Variants in LANCL3 observed in about 807,000 individuals in gnomAD.
The protein encoded by LANCL3 is lanC-like protein 3.
Under a neutral mutation model 26.5 loss-of-function variants are expected in LANCL3, and 19 were observed. That is an observed-to-expected ratio of 0.72 (90% CI 0.50 to 1.05). The LOEUF (loss-of-function observed/expected upper bound fraction) is 1.05, where lower values mean the gene tolerates loss of function less well. Ranked by LOEUF, LANCL3 falls within the 50% of genes least tolerant of loss-of-function variation. The pLI is 0.00. For synonymous variants in LANCL3, 160 were observed against 166.6 expected (o/e 0.96, Z 0.30); for missense variants, 318 against 362.7 (o/e 0.88, Z 1.00).
At chrX:37,613,396 A>AT (rs1924932053) in intron 1 of LANCL3, among the ~76,000 whole-genome samples, 1 of 111,088 alleles carries the variant, frequency 9.0e-6, no homozygotes, top group Non-Finnish European at 1.9e-5. Flanking sequence ...TTCTTTTTAA[A>AT]TTTTTTATTG....
Position 37,571,895 on chromosome X carries a change from A to C in LANCL3, c.25A>C (p.Asn9His). ...CATGGACACCAAGCGCTGCTTCGCC[A>C]ATCGCTTCGATGACTACCAGGGCAG... is the stretch of plus-strand genomic sequence containing the variant. Reference protein sequence around the residue: MDTKRCFANRFDDYQGSLL... With the variant: MDTKRCFAHRFDDYQGSLL... Residue 9 changes from asparagine (N) to histidine (H), a missense_variant, in exon 1 of 5, where the codon AAT becomes CAT. Asn to His is a moderately conservative substitution (Grantham distance 68). Coordinates refer to ENST00000378619, the MANE Select transcript of LANCL3 (RefSeq NM_001170331.2). The C allele has an allele frequency of 1.7e-6, 2 of 1,206,387 alleles. No homozygotes were observed. Among genetic ancestry groups the C allele is most frequent in the South Asian group, 1.8e-5 (1 of 56,276 alleles).
In LANCL3 at chrX:37,659,520, C is replaced by T. The variant is rs781880058; in HGVS notation, c.756C>T (p.Leu252=). ...TGCTTCTTTCTTACCATGAGCATCT[C>T]AAGCCCTCAGATCGGGAATTGGTAT... ...LQMLLSYHEH[L]KPSDRELVWQ... is the part of the protein sequence containing the mutation. The change falls in exon 3 of 5, where the codon CTC becomes CTT. Residue 252 remains leucine (L), a synonymous_variant. Transcript: ENST00000378619. 4.1e-6 allele frequency: 5 copies of T among 1,210,591 alleles called. No individual in the cohort carries two copies. In the South Asian group the frequency reaches 8.8e-5, roughly 21 times the overall value.
intron 1 of LANCL3, among the ~76,000 whole-genome samples, chrX:37,613,050 G>C (rs1259738061): frequency 9.0e-6 from 1 of 110,844 alleles, no homozygotes; most frequent in African/African-American, 3.3e-5. Context: ...CTGTGGTCTG[G>C]AAACCAGATA....
At chrX:37,660,543 A>G (rs1926392813) in intron 3 of LANCL3, among the ~76,000 whole-genome samples, 1 of 111,811 alleles carries the variant, frequency 8.9e-6, no homozygotes, top group South Asian at 3.7e-4. Flanking sequence ...AAAAAGTTAA[A>G]TTCAAATAAA....
chrX:37,638,861 A>G (rs1283229765), intron 1 of LANCL3, among the ~76,000 whole-genome samples: 1 of 110,732 alleles, frequency 9.0e-6, no homozygotes, highest in African/African-American at 3.3e-5. Flanking sequence ...CCATACTTTG[A>G]TTTTGAACTT....
chrX:37,585,999 C>G (rs1924065905), intron 1 of LANCL3, among the ~76,000 whole-genome samples: 1 of 111,064 alleles, frequency 9.0e-6, no homozygotes, highest in Non-Finnish European at 1.9e-5. Context: ...CTGGTGGTGA[C>G]AAAATCTCTC....
intron 1 of LANCL3, among the ~76,000 whole-genome samples, chrX:37,598,276 A>G (rs1556419681): frequency 8.9e-6 from 1 of 111,840 alleles, no homozygotes; most frequent in Non-Finnish European, 1.9e-5. Flanking sequence ...TGTTTGTATC[A>G]ATGCTTTGCT....
chrX:37,585,563 T>C (rs1384644607), intron 1 of LANCL3, among the ~76,000 whole-genome samples: 1 of 112,174 alleles, frequency 8.9e-6, no homozygotes, highest in Non-Finnish European at 1.9e-5. Context: ...CCTTTCTTTG[T>C]CTCTTTTGAT....
intron 1 of LANCL3, among the ~76,000 whole-genome samples, chrX:37,586,462 A>G (rs1258847164): frequency 1.8e-5 from 2 of 111,788 alleles, no homozygotes; most frequent in African/African-American, 6.5e-5. Flanking sequence ...GTCTTTTCAC[A>G]TAGTCCCATA....
At chrX:37,625,678 A>G (rs782343915) in intron 1 of LANCL3, among the ~76,000 whole-genome samples, 47 of 110,418 alleles carry the variant, frequency 4.3e-4, no homozygotes, top group Middle Eastern at 4.7e-3. Context: ...GGCTAAAGAG[A>G]TATCAGGAGA....
chrX:37,674,297 A>C (rs1289933707), intron 4 of LANCL3, among the ~76,000 whole-genome samples: 4 of 112,066 alleles, frequency 3.6e-5, no homozygotes, highest in Middle Eastern at 4.2e-3. Context: ...TTCTCATGTC[A>C]TATTACTCTT....
intron 1 of LANCL3, among the ~76,000 whole-genome samples, chrX:37,602,111 A>G (rs782075988): frequency 8.9e-6 from 1 of 111,792 alleles, no homozygotes; most frequent in Admixed American, 9.5e-5. Flanking sequence ...GCAAAGGTCA[A>G]ACAGTATTTT....
At chrX:37,584,696 G>C (rs1227611814) in intron 1 of LANCL3, among the ~76,000 whole-genome samples, 1 of 110,875 alleles carries the variant, frequency 9.0e-6, no homozygotes. Context: ...GTATCTATCT[G>C]ATTCTTCTAT....
intron 1 of LANCL3, among the ~76,000 whole-genome samples, chrX:37,600,174 G>C (rs1556419889): frequency 8.9e-6 from 1 of 111,837 alleles, no homozygotes; most frequent in African/African-American, 3.2e-5. Flanking sequence ...AAGATATTGA[G>C]AGAGAGAGGG....
intron 4 of LANCL3, among the ~76,000 whole-genome samples, chrX:37,674,386 A>C (rs1263816566): frequency 8.9e-6 from 1 of 111,949 alleles, no homozygotes; most frequent in Admixed American, 9.5e-5. Flanking sequence ...GTACCTTGGA[A>C]TTTAATGTGT....
At chrX:37,605,264 A>C (rs781940647) in intron 1 of LANCL3, among the ~76,000 whole-genome samples, 21 of 111,782 alleles carry the variant, frequency 1.9e-4, no homozygotes, top group African/African-American at 6.8e-4. Context: ...TGTTCTTTTG[A>C]AAAGCAAAAA....
chrX:37,653,655 A>T (rs1168453745), intron 1 of LANCL3, among the ~76,000 whole-genome samples: 1 of 112,422 alleles, frequency 8.9e-6, no homozygotes, highest in Non-Finnish European at 1.9e-5. Context: ...GTTGGCACTG[A>T]TAAAGACACA....
chrX:37,579,080 A>AT (rs1415394561), intron 1 of LANCL3, among the ~76,000 whole-genome samples: 41 of 108,843 alleles, frequency 3.8e-4, no homozygotes, highest in African/African-American at 1.3e-3. Context: ...TTATCCACTT[A>AT]TACAAATTAT....
chrX:37,643,307 A>G (rs1363678410), intron 1 of LANCL3, among the ~76,000 whole-genome samples: 5 of 112,482 alleles, frequency 4.4e-5, no homozygotes, highest in Non-Finnish European at 9.4e-5. Flanking sequence ...CCTTTTCTCT[A>G]AGAAATTAAA....
Sources: allele counts gnomAD v4.1 joint callset (sites outside exome capture counted in the v4.1 genomes callset), GRCh38; gene constraint gnomAD v4.1.1; transcripts MANE v1.5; gene names NCBI Gene and HGNC (gene_info 2026-07-23, HGNC 2026-07-21).